Variants in UBE3A observed in about 807,000 individuals in gnomAD.
The protein encoded by UBE3A is ubiquitin protein ligase E3A, also known as ubiquitin-protein ligase E3A.
In UBE3A, 6 loss-of-function variants were observed where a neutral mutation model predicts 83.4. That is an observed-to-expected ratio of 0.07 (90% CI 0.04 to 0.14). The LOEUF (loss-of-function observed/expected upper bound fraction) is 0.14. Ranked by LOEUF, UBE3A falls within the 10% of genes least tolerant of loss-of-function variation. The probability of loss-of-function intolerance (pLI) is 1.00; values close to 1 mark genes in which losing one functional copy is unlikely to be tolerated. For missense variants in UBE3A, 456 were observed against 1,036.1 expected (o/e 0.44, Z 7.69); for synonymous variants, 337 against 355.4 (o/e 0.95, Z 0.58).
At chr15:25,379,754 C>T (rs1595899253) in intron 4 of UBE3A, among the ~76,000 whole-genome samples, 1 of 152,090 alleles carries the variant, frequency 6.6e-6, no homozygotes, top group South Asian at 2.1e-4. Flanking sequence ...AATCATAGCT[C>T]GTAAGTCAAA....
chr15:25,433,688 G>GAA (rs1173088332), intron 1 of UBE3A, among the ~76,000 whole-genome samples: 1 of 152,060 alleles, frequency 6.6e-6, no homozygotes, highest in Non-Finnish European at 1.5e-5. Flanking sequence ...CAATGACTCT[G>GAA]ATGCACTTAA....
At chr15:25,434,045 C>G (rs1894277157) in intron 1 of UBE3A, among the ~76,000 whole-genome samples, 2 of 152,160 alleles carry the variant, frequency 1.3e-5, no homozygotes, top group Non-Finnish European at 2.9e-5. Flanking sequence ...TTGGGCAACA[C>G]AGCGAGACCC....
chr15:25,398,190 A>C (rs12910781), intron 4 of UBE3A, among the ~76,000 whole-genome samples: 32,083 of 94,100 alleles, frequency 0.34, 4,043 homozygotes, highest in Non-Finnish European at 0.47. Flanking sequence ...AAAAAAAAAA[A>C]ACACAAAAAA....
chr15:25,367,361 T>C (rs1051516414), intron 6 of UBE3A, among the ~76,000 whole-genome samples: 6 of 151,660 alleles, frequency 4.0e-5, no homozygotes, highest in Non-Finnish European at 5.9e-5. Flanking sequence ...GTTTTACATA[T>C]TTGTAAAAAC....
chr15:25,385,324 G>A (rs1336772118), intron 4 of UBE3A, among the ~76,000 whole-genome samples: 2 of 152,022 alleles, frequency 1.3e-5, no homozygotes, highest in Non-Finnish European at 2.9e-5. Context: ...ATACAAATGG[G>A]CAATAAGCCC....
chr15:25,421,285 A>C (rs972249851), intron 1 of UBE3A, among the ~76,000 whole-genome samples: 4 of 152,210 alleles, frequency 2.6e-5, no homozygotes, highest in African/African-American at 9.6e-5. Context: ...TAAACTCACC[A>C]TGAGGGCTCC....
intron 5 of UBE3A, chr15:25,374,019 T>G (rs548204120): frequency 3.9e-5 from 6 of 152,210 alleles, no homozygotes; most frequent in Non-Finnish European, 8.8e-5. Context: ...TTAATACTTA[T>G]GCAACTTTGT....
At chr15:25,414,955 A>C (rs969170580) in intron 1 of UBE3A, among the ~76,000 whole-genome samples, 1 of 152,188 alleles carries the variant, frequency 6.6e-6, no homozygotes, top group Non-Finnish European at 1.5e-5. Flanking sequence ...ATGTTTATAG[A>C]ATAAGCATCT....
At chr15:25,395,493 A>G (rs1377273406) in intron 4 of UBE3A, among the ~76,000 whole-genome samples, 1 of 152,196 alleles carries the variant, frequency 6.6e-6, no homozygotes, top group Non-Finnish European at 1.5e-5. Flanking sequence ...AAGATTTACC[A>G]ATAATTTGAG....
At chr15:25,367,417 C>G (rs922293497) in intron 6 of UBE3A, among the ~76,000 whole-genome samples, 6 of 151,672 alleles carry the variant, frequency 4.0e-5, no homozygotes, top group Non-Finnish European at 7.4e-5. Flanking sequence ...GAAGTCTAAG[C>G]TCATGTTTAT....
intron 4 of UBE3A, among the ~76,000 whole-genome samples, chr15:25,385,862 G>A (rs2083032511): frequency 6.6e-6 from 1 of 152,094 alleles, no homozygotes; most frequent in Non-Finnish European, 1.5e-5. Flanking sequence ...AATTATAGGG[G>A]GAGCCCTACA....
intron 1 of UBE3A, among the ~76,000 whole-genome samples, chr15:25,437,176 T>C (rs1204785837): frequency 6.6e-6 from 1 of 152,210 alleles, no homozygotes; most frequent in East Asian, 1.9e-4. Flanking sequence ...TTCATTTCAC[T>C]AAAAATGTGG....
intron 2 of UBE3A, 29 bp downstream of exon 2, chr15:25,411,879 G>A (rs888591649): frequency 6.6e-6 from 1 of 152,030 alleles, no homozygotes; most frequent in Non-Finnish European, 1.5e-5. Flanking sequence ...CATGCAATAC[G>A]AATTCCAAAA....
At chr15:25,355,822 AAAATT>A in intron 9 of UBE3A, 65 bp downstream of exon 9, 1 of 1,458,390 alleles carries the variant, frequency 6.9e-7, no homozygotes, top group Non-Finnish European at 9.5e-7. Context: ...TACTTCTTTA[AAAATT>A]ATAAGCATAC....
rs2081996662 is a variant in UBE3A at position 25,380,506 on chromosome 15, T to C, written c.63-4743A>G. Among the ~76,000 whole-genome samples the C allele has an allele frequency of 2.0e-5, 3 of 151,034 alleles. No individual in the cohort carries two copies. In the South Asian group the frequency reaches 6.3e-4, roughly 31 times the overall value. ...TAACTCTCTCTTTACCCTGAGCAAA[T>C]CCGTAAAATAAAAGGTATACCTTTC... On this transcript the variant is annotated intron_variant, in intron 4 of 12. Transcript: ENST00000648336.
intron 4 of UBE3A, among the ~76,000 whole-genome samples, chr15:25,391,326 T>C (rs2084327856): frequency 6.6e-6 from 1 of 152,214 alleles, no homozygotes; most frequent in Admixed American, 6.5e-5. Context: ...GAATGGCATT[T>C]GCCAAGGAAT....
At chr15:25,350,748 A>G (rs1001744136) in intron 11 of UBE3A, among the ~76,000 whole-genome samples, 1 of 152,212 alleles carries the variant, frequency 6.6e-6, no homozygotes, top group Non-Finnish European at 1.5e-5. Context: ...ACTACTCTAT[A>G]ATTTTTTAAA....
rs2073882272 is a variant in UBE3A at position 25,334,806 on chromosome 15, C to A, written c.*4331G>T. 6.6e-6 allele frequency: 1 copy of A among 152,124 alleles called. No individual in the cohort carries two copies. The highest frequency in any genetic ancestry group is 1.5e-5 in the Non-Finnish European group (1 of 68,020). 9.4% of individuals were successfully genotyped at this position (152,124 alleles called of 1,614,324 possible). ...GGACCATTCATGGGGAAATAATAGT[C>A]TTTTCAACAACTGGTGCTTGGGCAG... On this transcript the variant is annotated 3_prime_UTR_variant, in exon 13 of 13. Coordinates refer to ENST00000648336, the MANE Select transcript of UBE3A (RefSeq NM_130839.5).
At chr15:25,364,036 T>TAATAAATAAATA (rs370238150) in intron 6 of UBE3A, among the ~76,000 whole-genome samples, 47,716 of 137,310 alleles carry the variant, frequency 0.35, 8,931 homozygotes, top group Non-Finnish European at 0.41. Context: ...TACAAAAAAC[T>TAATAAATAAATA]AATAAATAAA....
Sources: gnomAD v4.1 joint callset for allele counts (sites outside exome capture counted in the v4.1 genomes callset) on GRCh38, gnomAD v4.1.1 for gene constraint, MANE v1.5 for transcripts, NCBI Gene and HGNC (gene_info 2026-07-23, HGNC 2026-07-21) for gene names.